The following PLEKHM3 variants were observed in gnomAD, a reference collection of about 807,000 sequenced individuals.
PLEKHM3 encodes the protein pleckstrin homology domain-containing family M member 3.
PLEKHM3 carries 45 observed loss-of-function variants against 81.8 expected under a neutral mutation model. The ratio of observed to expected loss-of-function variants is 0.55; its 90% CI spans 0.43 to 0.71. The LOEUF is 0.71. Among genes scored for constraint, PLEKHM3 ranks in the 30% least tolerant of loss-of-function variants. PLEKHM3 has a pLI of 0.00. For missense variants in PLEKHM3, 788 were observed against 924.3 expected, an observed-to-expected ratio of 0.85 and a Z score of 1.91; for synonymous variants, 352 against 356.4, an observed-to-expected ratio of 0.99 and a Z score of 0.14.
chr2:207,926,172 C>T (rs1489536720), intron 5 of PLEKHM3, among the ~76,000 whole-genome samples: 3 of 152,066 alleles, frequency 2.0e-5, no homozygotes, highest in Non-Finnish European at 2.9e-5. Flanking sequence ...AGTGGCAAGT[C>T]AAGTGTCTAA....
intron 2 of PLEKHM3, among the ~76,000 whole-genome samples, chr2:207,984,663 G>A (rs1019943029): frequency 6.6e-6 from 1 of 152,352 alleles, no homozygotes; most frequent in Non-Finnish European, 1.5e-5. Flanking sequence ...TAACAGGCAT[G>A]AGCCACTGCG....
At chr2:207,859,203 T>A (rs932688576) in intron 7 of PLEKHM3, among the ~76,000 whole-genome samples, 3 of 141,410 alleles carry the variant, frequency 2.1e-5, no homozygotes, top group African/African-American at 7.8e-5. Context: ...AATGGCGCAA[T>A]CTCTGGCTCA....
intron 5 of PLEKHM3, among the ~76,000 whole-genome samples, chr2:207,927,666 C>A (rs1173650993): frequency 6.6e-6 from 1 of 151,658 alleles, no homozygotes; most frequent in Non-Finnish European, 1.5e-5. Context: ...CCCGTCTCTA[C>A]TAAAAATACA....
At chr2:207,857,961 T>A (rs1559209486) in intron 7 of PLEKHM3, among the ~76,000 whole-genome samples, 2 of 151,884 alleles carry the variant, frequency 1.3e-5, no homozygotes, top group Non-Finnish European at 2.9e-5. Context: ...TACAGGTATT[T>A]ATAGTCATAA....
intron 6 of PLEKHM3, among the ~76,000 whole-genome samples, chr2:207,896,377 T>C (rs1425505237): frequency 1.6e-5 from 2 of 125,000 alleles, no homozygotes; most frequent in East Asian, 2.2e-4. Context: ...AAAGATGCCA[T>C]ACATCTTTAA....
chr2:207,970,096 A>G (rs1691060471), intron 3 of PLEKHM3, among the ~76,000 whole-genome samples: 1 of 152,160 alleles, frequency 6.6e-6, no homozygotes, highest in South Asian at 2.1e-4. Flanking sequence ...TAAACTCATC[A>G]AAAGCCTGTC....
intron 3 of PLEKHM3, among the ~76,000 whole-genome samples, chr2:207,952,736 T>A (rs1690369789): frequency 6.6e-6 from 1 of 152,184 alleles, no homozygotes; most frequent in Non-Finnish European, 1.5e-5. Flanking sequence ...CATATTTGCA[T>A]CCTCCACTGT....
chr2:207,916,392 G>A (rs1023020637), intron 5 of PLEKHM3, among the ~76,000 whole-genome samples: 4 of 152,028 alleles, frequency 2.6e-5, no homozygotes, highest in African/African-American at 7.3e-5. Flanking sequence ...TTTAACAGTC[G>A]CAAGAATATA....
intron 3 of PLEKHM3, among the ~76,000 whole-genome samples, chr2:207,954,740 G>A (rs1221520327): frequency 6.6e-6 from 1 of 152,216 alleles, no homozygotes; most frequent in Non-Finnish European, 1.5e-5. Flanking sequence ...GACCTACGTT[G>A]TGTTAACAGT....
At chr2:207,829,493 T>C (rs928787514) in intron 7 of PLEKHM3, among the ~76,000 whole-genome samples, 1 of 152,156 alleles carries the variant, frequency 6.6e-6, no homozygotes, top group African/African-American at 2.4e-5. Context: ...GCCAGGCAGG[T>C]CTGGAACTCT....
intron 4 of PLEKHM3, among the ~76,000 whole-genome samples, chr2:207,941,820 A>G (rs1369638277): frequency 6.6e-6 from 1 of 152,230 alleles, no homozygotes; most frequent in East Asian, 1.9e-4. Flanking sequence ...TGAATAGACA[A>G]TTCTCAATAA....
chr2:207,866,762 T>C (rs1454651019), intron 6 of PLEKHM3, among the ~76,000 whole-genome samples: 1 of 151,992 alleles, frequency 6.6e-6, no homozygotes, highest in African/African-American at 2.4e-5. Flanking sequence ...AAATTTCATG[T>C]AGGCTTCACA....
At chr2:207,840,887 G>A (rs1237813910) in intron 7 of PLEKHM3, among the ~76,000 whole-genome samples, 5 of 138,740 alleles carry the variant, frequency 3.6e-5, no homozygotes, top group South Asian at 2.4e-4. Context: ...TGCCACCTCC[G>A]CCTCCTGGGT....
intron 3 of PLEKHM3, among the ~76,000 whole-genome samples, chr2:207,975,582 CTTTTTTT>C (rs11350409): frequency 7.9e-5 from 5 of 63,010 alleles, no homozygotes; most frequent in Non-Finnish European, 1.4e-4. Flanking sequence ...GTTTTAAAAG[CTTTTTTT>C]TTTTTTTTTT....
chr2:207,982,419 A>C (rs1466645831), intron 2 of PLEKHM3, among the ~76,000 whole-genome samples: 1 of 152,012 alleles, frequency 6.6e-6, no homozygotes, highest in Non-Finnish European at 1.5e-5. Flanking sequence ...ACAGGTATGC[A>C]CTACCACACC....
intron 3 of PLEKHM3, among the ~76,000 whole-genome samples, chr2:207,961,213 G>A (rs1690720564): frequency 6.6e-6 from 1 of 152,094 alleles, no homozygotes; most frequent in Admixed American, 6.5e-5. Flanking sequence ...GTCTGGTCTG[G>A]GGCTCAAGAA....
chr2:207,999,013 A>G (rs1692208129), intron 2 of PLEKHM3, among the ~76,000 whole-genome samples: 2 of 151,340 alleles, frequency 1.3e-5, no homozygotes, highest in African/African-American at 4.9e-5. Flanking sequence ...TTTGAGACAG[A>G]GTCTCCCTCT....
In PLEKHM3 at chr2:207,982,874, G is replaced by A. The variant is rs113658853; in HGVS notation, c.611-5288C>T. ...ATTACAGGCATGAGCCACCGCGCCC[G>A]GCCTGATTTTCTTAATAACGTTTTC... On this transcript the variant is annotated intron_variant, in intron 2 of 7. Coordinates refer to ENST00000427836, the MANE Select transcript of PLEKHM3 (RefSeq NM_001080475.3). 5.3e-5 allele frequency among the ~76,000 whole-genome samples: 8 copies of A among 151,770 alleles called. 1 individual carries two copies. The highest frequency in any genetic ancestry group is 1.9e-4 in the East Asian group (1 of 5,148).
In PLEKHM3 at chr2:207,948,291, AT is replaced by A. The variant is rs200841943; in HGVS notation, c.1547-1780del. ...TGGCATTTAGCGCGTGCCTCTTTAA[AT>A]TATCATGCCTTTTTATGGGCTTGTC... On this transcript the variant is annotated intron_variant, in intron 3 of 7. Transcript: ENST00000427836. Among the ~76,000 whole-genome samples the A allele has an allele frequency of 6.9e-3, 1,038 of 150,422 alleles. 10 individuals carry two copies. Among genetic ancestry groups the A allele is most frequent in the African/African-American group, 0.024 (978 of 40,876 alleles).
Sources: gnomAD v4.1 joint callset for allele counts (sites outside exome capture counted in the v4.1 genomes callset) on GRCh38, gnomAD v4.1.1 for gene constraint, MANE v1.5 for transcripts, NCBI Gene and HGNC (gene_info 2026-07-23, HGNC 2026-07-21) for gene names.